TGFA: variants seen among roughly 807,000 people sequenced by gnomAD.
TGFA encodes protransforming growth factor alpha.
Under a neutral mutation model 21.7 loss-of-function variants are expected in TGFA, and 12 were observed. The ratio of observed to expected loss-of-function variants is 0.55; its 90% confidence interval spans 0.35 to 0.90. TGFA has a LOEUF of 0.90. TGFA is among the 40% of genes least tolerant of loss of function. TGFA has a pLI of 0.01. For missense variants in TGFA, 178 were observed against 210.8 expected (o/e 0.84, Z 0.96); for synonymous variants, 79 against 88.1 (o/e 0.90, Z 0.58).
chr2:70,503,783 C>T (rs1207783913), intron 2 of TGFA, among the ~76,000 whole-genome samples: 2 of 152,174 alleles, frequency 1.3e-5, no homozygotes, highest in Non-Finnish European at 2.9e-5. Context: ...AAGCGGAAAT[C>T]AAGCGATCCA....
At position 70,458,099 on chromosome 2, in the gene TGFA, AG is replaced by A. The variant is rs1388563720; in HGVS notation, c.216-1612del. 1.6e-3 allele frequency among the ~76,000 whole-genome samples: 239 copies of A among 152,246 alleles called. 1 individual carries two copies. The highest frequency in any genetic ancestry group is 5.6e-3 in the African/African-American group (231 of 41,538). ...GGCTCAGGGGCTATGGGACAGGGGC[AG>A]GGTTTTTTTTGTTTGTTTGCTTGCT... On this transcript the variant is annotated intron_variant, in intron 3 of 5. Transcript: ENST00000295400.
chr2:70,547,844 GAT>G (rs199515296), intron 1 of TGFA, among the ~76,000 whole-genome samples: 2 of 146,866 alleles, frequency 1.4e-5, no homozygotes, highest in African/African-American at 2.5e-5. Flanking sequence ...TATATATAGA[GAT>G]ATATATATCT....
chr2:70,522,486 G>A (rs1420293693), intron 1 of TGFA, among the ~76,000 whole-genome samples: 2 of 152,116 alleles, frequency 1.3e-5, no homozygotes, highest in African/African-American at 4.8e-5. Context: ...CCAGGCTGGA[G>A]TACAGTGGCA....
At chr2:70,472,793 G>A (rs1425961873) in intron 2 of TGFA, among the ~76,000 whole-genome samples, 1 of 152,230 alleles carries the variant, frequency 6.6e-6, no homozygotes, top group Non-Finnish European at 1.5e-5. Context: ...TTGTGAACAC[G>A]TTTGCCCATT....
chr2:70,532,914 G>A (rs1014569120), intron 1 of TGFA, among the ~76,000 whole-genome samples: 2 of 150,952 alleles, frequency 1.3e-5, no homozygotes, highest in Non-Finnish European at 2.9e-5. Flanking sequence ...AGGCTGGAGT[G>A]CAGTGGCACA....
At chr2:70,541,929 G>GTGTA (rs1673143723) in intron 1 of TGFA, among the ~76,000 whole-genome samples, 1 of 152,180 alleles carries the variant, frequency 6.6e-6, no homozygotes, top group Non-Finnish European at 1.5e-5. Flanking sequence ...GGCAGGGAGT[G>GTGTA]TGTACAGCAC....
chr2:70,459,117 C>T (rs1670333344), intron 3 of TGFA, among the ~76,000 whole-genome samples: 1 of 152,208 alleles, frequency 6.6e-6, no homozygotes, highest in African/African-American at 2.4e-5. Flanking sequence ...CAATTTCACA[C>T]AGCTTGAAAC....
chr2:70,527,598 T>C (rs2103892889), intron 1 of TGFA, among the ~76,000 whole-genome samples: 1 of 152,340 alleles, frequency 6.6e-6, no homozygotes, highest in East Asian at 1.9e-4. Context: ...CGAGGGACTT[T>C]AGTTTATATC....
chr2:70,516,972 C>G (rs1407643422), intron 1 of TGFA, among the ~76,000 whole-genome samples: 1 of 152,238 alleles, frequency 6.6e-6, no homozygotes, highest in East Asian at 1.9e-4. Context: ...ATGTTGGCCT[C>G]TGTTTAAGCA....
chr2:70,553,803 C>G lies in TGFA; in HGVS notation c.-36G>C. ...GGCGGGCAGCAGGCTCTCCAGCCTC[C>G]TGCCCTACCTGCGGTGCCCGAGTGG... On this transcript the variant is annotated 5_prime_UTR_variant, in exon 1 of 6. Transcript: ENST00000295400. 1 of 1,256,100 alleles carries G rather than the reference C, an allele frequency of 8.0e-7. No individual in the cohort carries two copies. Among genetic ancestry groups the G allele is most frequent in the Non-Finnish European group, 1.0e-6 (1 of 993,614 alleles). 77.8% of individuals were successfully genotyped at this position (1,256,100 alleles called of 1,614,324 possible). A position where few individuals can be genotyped will look rare whatever the true frequency, so the allele number is the denominator to read the frequency against.
chr2:70,453,241 G>T lies in TGFA; in HGVS notation c.452C>A (p.Thr151Asn), dbSNP rs965977294. The change falls in exon 5 of 6, where the codon ACC (threonine) becomes AAC (asparagine). Residue 151 changes from threonine (T) to asparagine (N), a missense_variant. Transcript: ENST00000295400. ...EKPSALLKGR[T>N]ACCHSETVV ...ACCTGTTTCTGAGTGGCAGCAAGCGGTTCTTCCCTTCAGGAGGGCGCTGGG... is the reference window on the plus strand; with the variant it reads ...ACCTGTTTCTGAGTGGCAGCAAGCGTTTCTTCCCTTCAGGAGGGCGCTGGG... The T allele has an allele frequency of 6.2e-7, 1 of 1,613,826 alleles. No individual in the cohort carries two copies. The highest frequency in any genetic ancestry group is 1.3e-5 in the African/African-American group (1 of 74,926).
At chr2:70,543,797 C>A (rs1673207704) in intron 1 of TGFA, among the ~76,000 whole-genome samples, 1 of 151,956 alleles carries the variant, frequency 6.6e-6, no homozygotes. Context: ...CTTCAACTAG[C>A]AGAACACAAA....
At chr2:70,470,211 G>A (rs949743862) in intron 2 of TGFA, among the ~76,000 whole-genome samples, 2 of 152,072 alleles carry the variant, frequency 1.3e-5, no homozygotes, top group East Asian at 3.9e-4. Flanking sequence ...AAACAGACAG[G>A]CGGGCAGTGA....
chr2:70,542,612 G>C (rs1553505324), intron 1 of TGFA, among the ~76,000 whole-genome samples: 1 of 152,142 alleles, frequency 6.6e-6, no homozygotes, highest in Non-Finnish European at 1.5e-5. Flanking sequence ...TAAATTTGGA[G>C]GTTTTTAAGG....
intron 2 of TGFA, among the ~76,000 whole-genome samples, chr2:70,476,771 A>T (rs1553494483): frequency 6.6e-6 from 1 of 152,260 alleles, no homozygotes; most frequent in African/African-American, 2.4e-5. Flanking sequence ...AAGAATACAG[A>T]GGTAAATTTA....
chr2:70,529,457 C>T (rs925098574), intron 1 of TGFA, among the ~76,000 whole-genome samples: 7 of 152,104 alleles, frequency 4.6e-5, no homozygotes, highest in African/African-American at 1.4e-4. Context: ...ATCACGGATG[C>T]GTGTAAATAA....
chr2:70,514,724 G>T (rs1335817755), intron 2 of TGFA, 135 bp downstream of exon 2: 2 of 930,216 alleles, frequency 2.2e-6, no homozygotes, highest in Non-Finnish European at 3.4e-6. Flanking sequence ...CCCTGAGGAG[G>T]GGGCAGAGAG....
At chr2:70,511,539 C>T (rs1204775439) in intron 2 of TGFA, among the ~76,000 whole-genome samples, 1 of 152,112 alleles carries the variant, frequency 6.6e-6, no homozygotes, top group East Asian at 1.9e-4. Context: ...AACGAAGTAG[C>T]ACAAAATTAA....
chr2:70,505,091 A>G (rs112567411), intron 2 of TGFA, among the ~76,000 whole-genome samples: 3 of 152,366 alleles, frequency 2.0e-5, no homozygotes, highest in African/African-American at 7.2e-5. Flanking sequence ...TCATATTATT[A>G]TGTAAATTCT....
Sources: allele counts gnomAD v4.1 joint callset (sites outside exome capture counted in the v4.1 genomes callset), GRCh38; gene constraint gnomAD v4.1.1; transcripts MANE v1.5; gene names NCBI Gene and HGNC (gene_info 2026-07-23, HGNC 2026-07-21).